The following ATP9B variants were observed in gnomAD, a reference collection of about 807,000 sequenced individuals.
The protein encoded by ATP9B is ATPase phospholipid transporting 9B, also known as probable phospholipid-transporting ATPase IIB.
ATP9B carries 110 observed loss-of-function variants against 146.1 expected under a neutral mutation model. That is an observed-to-expected ratio of 0.75 (90% confidence interval 0.65 to 0.88). The LOEUF (loss-of-function observed/expected upper bound fraction) is 0.88, where lower values mean the gene tolerates loss of function less well. Ranked by LOEUF, ATP9B falls within the 40% of genes least tolerant of loss-of-function variation. ATP9B has a pLI of 0.00. For synonymous variants in ATP9B, 604 were observed against 569.7 expected, an observed-to-expected ratio of 1.06 and a Z score of -0.86; for missense variants, 1,499 against 1,496.4, an observed-to-expected ratio of 1.00 and a Z score of -0.03.
intron 11 of ATP9B, among the ~76,000 whole-genome samples, chr18:79,228,517 G>T (rs1315950954): frequency 6.6e-6 from 1 of 152,130 alleles, no homozygotes; most frequent in Non-Finnish European, 1.5e-5. Flanking sequence ...ATCTGTCATT[G>T]GTTGGGGATT....
At chr18:79,185,541 A>G (rs560235805) in intron 8 of ATP9B, among the ~76,000 whole-genome samples, 10 of 152,332 alleles carry the variant, frequency 6.6e-5, no homozygotes, top group Non-Finnish European at 1.3e-4. Flanking sequence ...CTGTTACCAC[A>G]CCACCAAAAA....
intron 26 of ATP9B, chr18:79,362,574 G>A (rs1319665747): frequency 3.9e-5 from 6 of 152,138 alleles, no homozygotes; most frequent in Admixed American, 2.0e-4. Context: ...CCAGTAAGAC[G>A]GGAAACTGAC....
intron 7 of ATP9B, among the ~76,000 whole-genome samples, chr18:79,158,087 T>C (rs1161226843): frequency 6.6e-6 from 1 of 152,112 alleles, no homozygotes; most frequent in Non-Finnish European, 1.5e-5. Flanking sequence ...TAGTTTAAGG[T>C]GGAAAGTTAG....
chr18:79,372,947 A>G, intron 27 of ATP9B, 65 bp downstream of exon 27: 2 of 1,220,726 alleles, frequency 1.6e-6, no homozygotes, highest in South Asian at 2.5e-5. Context: ...TGTTAGCAAT[A>G]TTGTTTTTAC....
intron 10 of ATP9B, 63 bp downstream of exon 10, chr18:79,207,075 A>G (rs752023651): frequency 1.8e-5 from 27 of 1,497,658 alleles, no homozygotes; most frequent in Non-Finnish European, 2.1e-5. Flanking sequence ...TGTTTTGTCC[A>G]GGGACTCCAA....
intron 27 of ATP9B, among the ~76,000 whole-genome samples, chr18:79,373,293 TATTA>T (rs1228113218): frequency 2.6e-5 from 4 of 152,200 alleles, no homozygotes; most frequent in South Asian, 2.1e-4. Context: ...AGATCAGATA[TATTA>T]ATTACATGCA....
chr18:79,303,721 G>C lies in ATP9B; in HGVS notation c.1524+5G>C. On this transcript the variant is annotated splice_donor_5th_base_variant and intron_variant, in intron 14 of 29. Transcript: ENST00000426216. ...GTCAGGGACTCCTACTCACAGGTAA[G>C]TGGGTTCCTCCTGCACGGGGTCTGC... is the stretch of plus-strand genomic sequence containing the variant. 1 of 1,611,528 alleles carries C rather than the reference G, an allele frequency of 6.2e-7. No homozygotes were observed.
At chr18:79,201,819 A>G (rs2095491306) in intron 9 of ATP9B, among the ~76,000 whole-genome samples, 1 of 152,156 alleles carries the variant, frequency 6.6e-6, no homozygotes, top group Non-Finnish European at 1.5e-5. Context: ...TCGGCCTCCC[A>G]AAGTGCTGGG....
chr18:79,113,191 A>G, intron 3 of ATP9B, 50 bp from the exon 4 acceptor site: 1 of 1,018,692 alleles, frequency 9.8e-7, no homozygotes, highest in Non-Finnish European at 1.5e-6. Flanking sequence ...TTTAGGTATT[A>G]AAATTTTTTC....
chr18:79,341,951 C>A (rs552609134), intron 19 of ATP9B, among the ~76,000 whole-genome samples: 3 of 152,228 alleles, frequency 2.0e-5, no homozygotes, highest in Non-Finnish European at 2.9e-5. Flanking sequence ...CCATCTAGTT[C>A]TTTCTCTGTG....
chr18:79,289,653 G>A (rs2096481806), intron 13 of ATP9B, among the ~76,000 whole-genome samples: 1 of 152,330 alleles, frequency 6.6e-6, no homozygotes, highest in South Asian at 2.1e-4. Flanking sequence ...TGTTGCTGGT[G>A]CGGAACTGTG....
At chr18:79,350,287 TCTTCAGG>T (rs1361195858) in intron 25 of ATP9B, among the ~76,000 whole-genome samples, 1 of 152,230 alleles carries the variant, frequency 6.6e-6, no homozygotes, top group East Asian at 1.9e-4. Context: ...TTCGCAGGTG[TCTTCAGG>T]CTTCTCTCAC....
At chr18:79,235,772 G>A (rs114781015) in intron 11 of ATP9B, among the ~76,000 whole-genome samples, 244 of 131,452 alleles carry the variant, frequency 1.9e-3, no homozygotes, top group African/African-American at 6.2e-3. Flanking sequence ...GGTGACCACC[G>A]TCTTCTTATC....
Position 79,124,797 on chromosome 18 carries a change from A to G in ATP9B, c.559-1470A>G, listed in dbSNP as rs997480579. Among the ~76,000 whole-genome samples, 7 of 152,194 alleles carry G rather than the reference A, an allele frequency of 4.6e-5. No individual in the cohort carries two copies. In the East Asian group the frequency reaches 9.6e-4, roughly 21 times the overall value. On this transcript the variant is annotated intron_variant, in intron 4 of 29. Transcript: ENST00000426216. ...CTGGGGTGCCACACCGAGTACAGTC[A>G]GGCTGGAGAGATGTGTGGAAGGAAG...
At chr18:79,345,932 C>A in intron 23 of ATP9B, 93 bp downstream of exon 23, 1 of 1,404,892 alleles carries the variant, frequency 7.1e-7, no homozygotes, top group Non-Finnish European at 1.0e-6. Context: ...TCAGCACCTA[C>A]TTGGTCAGTG....
intron 13 of ATP9B, among the ~76,000 whole-genome samples, chr18:79,290,322 G>A (rs1039301396): frequency 3.9e-5 from 6 of 152,144 alleles, no homozygotes; most frequent in South Asian, 4.1e-4. Context: ...GGGCAATGGC[G>A]GGCGCCCCTC....
chr18:79,201,924 C>G (rs562479191), intron 9 of ATP9B, among the ~76,000 whole-genome samples: 1 of 151,936 alleles, frequency 6.6e-6, no homozygotes, highest in African/African-American at 2.4e-5. Flanking sequence ...AGCTGGAGCA[C>G]GCCTGTAGCC....
rs911624929 is a variant in ATP9B at position 79,154,757 on chromosome 18, A to G, written c.778+202A>G. ...AGAGTCCACATTTTCATATGAAGCT[A>G]CTTTACAAAGTAAAAACACATGCTG... On this transcript the variant is annotated intron_variant, in intron 7 of 29. Transcript: ENST00000426216. Among the ~76,000 whole-genome samples, 12 of 152,360 alleles carry G rather than the reference A, an allele frequency of 7.9e-5. No individual in the cohort carries two copies. The East Asian group carries it at 1.2e-3, about 15-fold the overall frequency.
rs143169432 is a variant in ATP9B at position 79,325,855 on chromosome 18, A to G, written c.1774-3286A>G. ...TTATCTCTGCACACTCCATTCCTTCACATGGTGTTAGGGTGTCATCTCTGT... is the reference window on the plus strand; with the variant it reads ...TTATCTCTGCACACTCCATTCCTTCGCATGGTGTTAGGGTGTCATCTCTGT... On this transcript the variant is annotated intron_variant, in intron 15 of 29. Coordinates refer to ENST00000426216, the MANE Select transcript of ATP9B (RefSeq NM_198531.5). Among the ~76,000 whole-genome samples the G allele has an allele frequency of 6.3e-3, 944 of 151,020 alleles. 3 individuals carry two copies. Among genetic ancestry groups the G allele is most frequent in the Non-Finnish European group, 0.01 (689 of 67,616 alleles).
Sources: allele counts gnomAD v4.1 joint callset (sites outside exome capture counted in the v4.1 genomes callset), GRCh38; gene constraint gnomAD v4.1.1; transcripts MANE v1.5; gene names NCBI Gene and HGNC (gene_info 2026-07-23, HGNC 2026-07-21).